The following KLF12 variants were observed in gnomAD, a reference collection of about 807,000 sequenced individuals.
KLF12 encodes KLF transcription factor 12.
In KLF12, 9 loss-of-function variants were observed where a neutral mutation model predicts 37.8. The ratio of observed to expected loss-of-function variants is 0.24; its 90% confidence interval spans 0.14 to 0.42. The LOEUF is 0.42. Ranked by LOEUF, KLF12 falls within the 10% of genes least tolerant of loss-of-function variation. KLF12 has a pLI of 1.00. For missense variants in KLF12, 411 were observed against 516.0 expected, an observed-to-expected ratio of 0.80 and a Z score of 1.97; for synonymous variants, 208 against 202.1, an observed-to-expected ratio of 1.03 and a Z score of -0.25.
At chr13:74,022,447 T>G (rs910698843) in intron 1 of KLF12, among the ~76,000 whole-genome samples, 10 of 140,340 alleles carry the variant, frequency 7.1e-5, no homozygotes, top group Admixed American at 2.7e-4. Flanking sequence ...CAGCCACCAG[T>G]GGCCACAGTC....
intron 1 of KLF12, among the ~76,000 whole-genome samples, chr13:74,118,398 G>T (rs1339257201): frequency 3.3e-5 from 5 of 152,052 alleles, no homozygotes; most frequent in Admixed American, 2.6e-4. Context: ...AATGAACTTT[G>T]CAAAGTTTGT....
chr13:73,919,346 A>G (rs1221133907), intron 3 of KLF12, among the ~76,000 whole-genome samples: 1 of 152,102 alleles, frequency 6.6e-6, no homozygotes. Context: ...CTATAACAAA[A>G]CCTAACAGTA....
chr13:73,801,467 T>A (rs1404298778), intron 5 of KLF12: 3 of 152,128 alleles, frequency 2.0e-5, no homozygotes, highest in Non-Finnish European at 4.4e-5. Context: ...AACTTATTAA[T>A]ATTTCAACAT....
intron 3 of KLF12, among the ~76,000 whole-genome samples, chr13:73,941,160 C>T (rs1314671075): frequency 1.3e-5 from 2 of 152,212 alleles, no homozygotes; most frequent in African/African-American, 4.8e-5. Flanking sequence ...AACCAATGTA[C>T]CACCTTCAGG....
chr13:73,928,098 T>C (rs1259114006), intron 3 of KLF12, among the ~76,000 whole-genome samples: 4 of 152,036 alleles, frequency 2.6e-5, no homozygotes, highest in African/African-American at 4.8e-5. Context: ...CCTCATGATC[T>C]GCCTGCCTCA....
At chr13:74,228,407 T>C in the KLF12 span, among the ~76,000 whole-genome samples, 2 of 152,158 alleles carry the variant, frequency 1.3e-5, no homozygotes, top group Non-Finnish European at 2.9e-5. Flanking sequence ...ATCATTGAAA[T>C]AATATTTATA....
chr13:73,967,618 A>G (rs985592091), intron 2 of KLF12, among the ~76,000 whole-genome samples: 2 of 152,228 alleles, frequency 1.3e-5, no homozygotes, highest in African/African-American at 2.4e-5. Flanking sequence ...TCATCCAGTC[A>G]TAAGGCAGGT....
chr13:74,274,169 T>C, the KLF12 span, among the ~76,000 whole-genome samples: 2 of 152,154 alleles, frequency 1.3e-5, no homozygotes, highest in Admixed American at 1.3e-4. Context: ...GAAATACTTT[T>C]CTTATATTTA....
the KLF12 span, among the ~76,000 whole-genome samples, chr13:74,284,530 G>A: frequency 1.3e-5 from 2 of 152,316 alleles, no homozygotes; most frequent in South Asian, 4.1e-4. Context: ...CTGTTACAGT[G>A]CAGAACCACA....
At chr13:73,915,300 T>A (rs182281072) in intron 3 of KLF12, among the ~76,000 whole-genome samples, 1 of 152,234 alleles carries the variant, frequency 6.6e-6, no homozygotes, top group Non-Finnish European at 1.5e-5. Context: ...ATCTGAAAAA[T>A]TTCTTTTGCG....
intron 1 of KLF12, among the ~76,000 whole-genome samples, chr13:74,087,534 A>C (rs934194849): frequency 6.6e-6 from 1 of 152,070 alleles, no homozygotes; most frequent in Non-Finnish European, 1.5e-5. Context: ...CTGGGCTTCA[A>C]CTATGTGCCA....
chr13:74,171,508 A>G, the KLF12 span, among the ~76,000 whole-genome samples: 2 of 152,214 alleles, frequency 1.3e-5, no homozygotes, highest in African/African-American at 4.8e-5. Context: ...CAAACAGTCT[A>G]TACATCTTTG....
the KLF12 span, among the ~76,000 whole-genome samples, chr13:74,191,737 A>G: frequency 6.6e-6 from 1 of 152,194 alleles, no homozygotes; most frequent in Non-Finnish European, 1.5e-5. Flanking sequence ...ACCCTTGAAA[A>G]CAAAATTTCT....
intron 5 of KLF12, among the ~76,000 whole-genome samples, chr13:73,778,396 G>A (rs547391950): frequency 6.0e-4 from 92 of 152,066 alleles, no homozygotes; most frequent in African/African-American, 2.1e-3. Flanking sequence ...ATGACTCCCC[G>A]GTCATAGAGG....
intron 2 of KLF12, among the ~76,000 whole-genome samples, chr13:73,949,133 T>A (rs1324484709): frequency 6.6e-6 from 1 of 152,214 alleles, no homozygotes; most frequent in South Asian, 2.1e-4. Flanking sequence ...TACAGCTGTA[T>A]TGAAAACCAG....
intron 1 of KLF12, among the ~76,000 whole-genome samples, chr13:74,118,749 C>T (rs1367933724): frequency 6.6e-6 from 1 of 152,148 alleles, no homozygotes; most frequent in Admixed American, 6.5e-5. Flanking sequence ...ACCTTTCCAA[C>T]ATCTTAATTG....
chr13:73,854,325 C>T (rs1241551290), intron 3 of KLF12, among the ~76,000 whole-genome samples: 3 of 152,152 alleles, frequency 2.0e-5, no homozygotes, highest in Admixed American at 1.3e-4. Flanking sequence ...TTATCATCCT[C>T]GAACAGATTA....
chr13:74,295,326 T>C, the KLF12 span, among the ~76,000 whole-genome samples: 2 of 152,266 alleles, frequency 1.3e-5, no homozygotes, highest in African/African-American at 4.8e-5. Flanking sequence ...AAACCACACA[T>C]AACGCATTCT....
At chr13:74,102,090 T>C (rs920422023) in intron 1 of KLF12, among the ~76,000 whole-genome samples, 3 of 151,846 alleles carry the variant, frequency 2.0e-5, no homozygotes, top group Non-Finnish European at 4.4e-5. Context: ...TGGTGGCAGA[T>C]GCCTGTAATT....
Sources: gnomAD v4.1 joint callset for allele counts (sites outside exome capture counted in the v4.1 genomes callset) on GRCh38, gnomAD v4.1.1 for gene constraint, MANE v1.5 for transcripts, NCBI Gene and HGNC (gene_info 2026-07-23, HGNC 2026-07-21) for gene names.